AHI1: variants seen among roughly 807,000 people sequenced by gnomAD.
AHI1 encodes the protein Abelson helper integration site 1, also known as jouberin.
In AHI1, 123 loss-of-function variants were observed where a neutral mutation model predicts 149.3. The ratio of observed to expected loss-of-function variants is 0.82; its 90% CI spans 0.71 to 0.96. AHI1 has a LOEUF of 0.96. AHI1 is among the 40% of genes least tolerant of loss of function. The pLI, the probability that AHI1 is intolerant of heterozygous loss-of-function variation, is 0.00. For synonymous variants in AHI1, 475 were observed against 459.8 expected (o/e 1.03, Z -0.42); for missense variants, 1,439 against 1,422.7 (o/e 1.01, Z -0.18).
intron 23 of AHI1, among the ~76,000 whole-genome samples, chr6:135,382,657 C>T (rs1286273814): frequency 6.6e-6 from 1 of 151,816 alleles, no homozygotes; most frequent in African/African-American, 2.4e-5. Context: ...ATTAGATAGC[C>T]TCCTTCTGAA....
At chr6:135,497,131 T>A (rs776601715) in intron 2 of AHI1, 57 bp downstream of exon 2, 4 of 152,218 alleles carry the variant, frequency 2.6e-5, no homozygotes, top group Non-Finnish European at 5.9e-5. Flanking sequence ...TTTTTATGCA[T>A]CTCGAAACAA....
intron 23 of AHI1, among the ~76,000 whole-genome samples, chr6:135,361,271 T>C (rs1432152786): frequency 2.0e-5 from 3 of 152,222 alleles, no homozygotes; most frequent in Non-Finnish European, 4.4e-5. Context: ...ATTTAACTTC[T>C]ATATGTTATA....
rs1398100065 is a variant in AHI1 at position 135,364,091 on chromosome 6, C to T, written c.3110-5904G>A. 4.6e-4 allele frequency among the ~76,000 whole-genome samples: 70 copies of T among 151,098 alleles called. No homozygotes were observed. The East Asian group carries it at 4.9e-3, about 11-fold the overall frequency. ...GGGGCTGACCCCCCCACCTCCCTCC[C>T]GGACGAGGTGGCTGCCGGGCGGAGA... On this transcript the variant is annotated intron_variant, in intron 23 of 28. Transcript: ENST00000265602.
intron 27 of AHI1, among the ~76,000 whole-genome samples, chr6:135,294,410 G>C (rs749139705): frequency 2.0e-5 from 3 of 152,092 alleles, no homozygotes; most frequent in Admixed American, 6.5e-5. Context: ...TTGGGTGGCT[G>C]AGGCAGGAGA....
intron 20 of AHI1, among the ~76,000 whole-genome samples, chr6:135,416,276 TAAAGA>T (rs1353863327): frequency 6.6e-6 from 1 of 151,774 alleles, no homozygotes; most frequent in Non-Finnish European, 1.5e-5. Flanking sequence ...AAAGAACCAT[TAAAGA>T]AAATTCACAA....
intron 23 of AHI1, among the ~76,000 whole-genome samples, chr6:135,383,034 T>C (rs1029917616): frequency 6.9e-6 from 1 of 144,356 alleles, no homozygotes; most frequent in Non-Finnish European, 1.5e-5. Context: ...AAATGAACAC[T>C]GATGTGAAAT....
At position 135,465,882 on chromosome 6, in the gene AHI1, A is replaced by T; in HGVS notation, c.681T>A (p.Asp227Glu). 1 of 1,545,564 alleles carries T rather than the reference A, an allele frequency of 6.5e-7. No individual in the cohort carries two copies. Among genetic ancestry groups the T allele is most frequent in the Admixed American group, 2.1e-5 (1 of 48,136 alleles). The change falls in exon 7 of 29, where the codon GAT (aspartate) becomes GAA (glutamate). Residue 227 changes from aspartate (D) to glutamate (E), a missense_variant. Asp to Glu is a conservative substitution (Grantham distance 45, BLOSUM62 2). Transcript: ENST00000265602. ...TCCTTTTTTCACTGCTTAGTTTGTCATCATGGAATAAAGTATCTGAGGGAA... is the reference window on the plus strand; with the variant it reads ...TCCTTTTTTCACTGCTTAGTTTGTCTTCATGGAATAAAGTATCTGAGGGAA... The part of the protein sequence containing the change: ...TYFPSDTLFH[D>E]DKLSSEKRKK...
At chr6:135,378,459 T>C (rs1308831232) in intron 23 of AHI1, among the ~76,000 whole-genome samples, 1 of 152,240 alleles carries the variant, frequency 6.6e-6, no homozygotes, top group South Asian at 2.1e-4. Flanking sequence ...TAAACTCTAA[T>C]ATGGATTGAA....
intron 23 of AHI1, among the ~76,000 whole-genome samples, chr6:135,365,648 G>A (rs1261683725): frequency 6.6e-6 from 1 of 152,122 alleles, no homozygotes; most frequent in African/African-American, 2.4e-5. Flanking sequence ...CTACTGATTT[G>A]TGTACATTGA....
chr6:135,383,931 T>C (rs1352836086), intron 23 of AHI1, among the ~76,000 whole-genome samples: 1 of 152,216 alleles, frequency 6.6e-6, no homozygotes, highest in Non-Finnish European at 1.5e-5. Context: ...TAATTCTTCC[T>C]TCAATTCTCA....
chr6:135,345,542 A>G (rs1272909971), intron 24 of AHI1, among the ~76,000 whole-genome samples: 1 of 152,224 alleles, frequency 6.6e-6, no homozygotes, highest in Non-Finnish European at 1.5e-5. Flanking sequence ...CCTTGAAAAC[A>G]TTACGGTAAG....
intron 27 of AHI1, among the ~76,000 whole-genome samples, chr6:135,295,333 G>T (rs1252572494): frequency 6.6e-6 from 1 of 152,180 alleles, no homozygotes; most frequent in Non-Finnish European, 1.5e-5. Context: ...AAACCGTATG[G>T]AAAACAATTT....
chr6:135,453,403 T>C lies in AHI1; in HGVS notation c.1378A>G (p.Asn460Asp). ...TCTTGGTTTTGAACCTCAGAATTAT[T>C]CTTAATTTCATCCACGCTTAAGAAA... ...LDFLSVDEIK[N>D]NSEVQNQECG... Residue 460 changes from asparagine to aspartate, a missense_variant, in exon 11 of 29, where the codon AAT becomes GAT. Physicochemically the swap from Asn to Asp is conservative, Grantham distance 23. Transcript: ENST00000265602. The C allele has an allele frequency of 6.4e-7, 1 of 1,559,926 alleles. No homozygotes were observed.
chr6:135,299,551 G>T (rs578162102), intron 27 of AHI1, among the ~76,000 whole-genome samples: 2 of 152,126 alleles, frequency 1.3e-5, no homozygotes, highest in Admixed American at 1.3e-4. Context: ...TGTTAGTAAT[G>T]TAATTTGAAT....
At chr6:135,328,856 C>T (rs936825866) in intron 24 of AHI1, among the ~76,000 whole-genome samples, 1 of 152,120 alleles carries the variant, frequency 6.6e-6, no homozygotes, top group African/African-American at 2.4e-5. Context: ...AGTGCTACTC[C>T]AGTGAACACA....
intron 26 of AHI1, among the ~76,000 whole-genome samples, chr6:135,315,051 C>T (rs1193502090): frequency 1.3e-5 from 2 of 152,098 alleles, no homozygotes; most frequent in Non-Finnish European, 2.9e-5. Flanking sequence ...CAATGTGAAG[C>T]CAAAGTTGAG....
At chr6:135,287,447 G>T (rs554141835) in intron 28 of AHI1, among the ~76,000 whole-genome samples, 5 of 152,224 alleles carry the variant, frequency 3.3e-5, no homozygotes, top group Admixed American at 2.6e-4. Flanking sequence ...TGCACCCTTC[G>T]GACACTGGCG....
At chr6:135,415,793 G>A (rs1271907309) in intron 20 of AHI1, among the ~76,000 whole-genome samples, 1 of 151,970 alleles carries the variant, frequency 6.6e-6, no homozygotes, top group Admixed American at 6.6e-5. Context: ...AACAAACTGT[G>A]GCATAGCCAT....
intron 19 of AHI1, 68 bp from the exon 20 acceptor site, chr6:135,427,375 A>AT: frequency 7.4e-7 from 1 of 1,348,038 alleles, no homozygotes; most frequent in Non-Finnish European, 1.0e-6. Context: ...TTCTCACAAG[A>AT]TTATTCTGCC....
Sources: allele counts gnomAD v4.1 joint callset (sites outside exome capture counted in the v4.1 genomes callset), GRCh38; gene constraint gnomAD v4.1.1; transcripts MANE v1.5; gene names NCBI Gene and HGNC (gene_info 2026-07-23, HGNC 2026-07-21).